KMT2A: variants seen among roughly 807,000 people sequenced by gnomAD.
KMT2A encodes the protein histone-lysine N-methyltransferase 2A.
KMT2A carries 16 observed loss-of-function variants against 345.3 expected under a neutral mutation model. The ratio of observed to expected loss-of-function variants is 0.05; its 90% confidence interval spans 0.03 to 0.07. The LOEUF (loss-of-function observed/expected upper bound fraction) is 0.07. KMT2A is among the 10% of genes least tolerant of loss of function. The pLI is 1.00. For missense variants in KMT2A, 3,272 were observed against 4,841.6 expected, an observed-to-expected ratio of 0.68 and a Z score of 9.62; for synonymous variants, 1,599 against 1,778.6, an observed-to-expected ratio of 0.90 and a Z score of 2.54.
At position 118,504,187 on chromosome 11, in the gene KMT2A, G is replaced by A. The variant is rs2134397799; in HGVS notation, c.8295G>A (p.Gly2765=). 3.7e-6 allele frequency: 6 copies of A among 1,614,134 alleles called. No individual in the cohort carries two copies. Among genetic ancestry groups the A allele is most frequent in the Non-Finnish European group, 5.1e-6 (6 of 1,180,032 alleles). ...AGATTGATAGACCTGAAGATGCTGG[G>A]GAGAAAGAACATGTCACTAAGAGTT... is the stretch of plus-strand genomic sequence containing the variant. ...NLKIDRPEDA[G]EKEHVTKSSV... is the part of the protein sequence containing the mutation. Residue 2765 remains glycine, a synonymous_variant, in exon 27 of 36, where the codon GGG becomes GGA. Transcript: ENST00000534358. The surrounding 1 kb of genome is among the most constrained non-coding windows in gnomAD (Gnocchi z 6.4).
intron 1 of KMT2A, among the ~76,000 whole-genome samples, chr11:118,458,993 T>C (rs1809279209): frequency 6.6e-6 from 1 of 152,236 alleles, no homozygotes; most frequent in Admixed American, 6.5e-5. Context: ...ATTTTGATAC[T>C]GTCTATGGTA....
chr11:118,482,150 G>C (rs2134302366), intron 7 of KMT2A, 58 bp downstream of exon 7: 1 of 1,521,412 alleles, frequency 6.6e-7, no homozygotes, highest in South Asian at 1.3e-5. Context: ...AAAAAGCACT[G>C]ATGTCTCAAA....
chr11:118,505,519 C>A lies in KMT2A; in HGVS notation c.9627C>A (p.Asp3209Glu). ...LLVSESSQRT[D>E]LSTTVATPSS... ...TTTCAGAATCCAGCCAGAGGACAGA[C>A]CTCAGTACCACAGTAGCCACTCCAT... is the stretch of plus-strand genomic sequence containing the variant. The change falls in exon 27 of 36, where the codon GAC becomes GAA. Residue 3209 changes from aspartate (D) to glutamate (E), a missense_variant. By Grantham distance (45) the Asp-to-Glu change is conservative. This residue lies in a region of KMT2A where 748 missense variants were observed against 922.2 expected (regional missense o/e 0.81). Transcript: ENST00000534358. This position sits in a 1 kb window ranked among gnomAD's most constrained non-coding sequence, Gnocchi z 4.6. The A allele has an allele frequency of 6.2e-7, 1 of 1,614,170 alleles. No homozygotes were observed. The highest frequency in any genetic ancestry group is 8.5e-7 in the Non-Finnish European group (1 of 1,180,026).
Position 118,436,560 on chromosome 11 carries a change from C to T in KMT2A, c.48C>T (p.Thr16=), listed in dbSNP as rs1949183830. 8.3e-7 allele frequency: 1 copy of T among 1,209,760 alleles called. No homozygotes were observed. The highest frequency in any genetic ancestry group is 1.0e-6 in the Non-Finnish European group (1 of 961,886). 74.9% of individuals were successfully genotyped at this position (1,209,760 alleles called of 1,614,324 possible). ...GCTTCCCCGCCCGACCCGGGACCAC[C>T]GGGGGCGGCGGCGGCGGGGGGCGCC... ...RWRFPARPGT[T]GGGGGGGRRG... The change falls in exon 1 of 36, where the codon ACC becomes ACT. Residue 16 remains threonine, a synonymous_variant. Transcript: ENST00000534358. The surrounding 1 kb of genome is among the most constrained non-coding windows in gnomAD (Gnocchi z 6.9).
At chr11:118,470,327 C>T (rs1442703702) in intron 2 of KMT2A, among the ~76,000 whole-genome samples, 4 of 151,998 alleles carry the variant, frequency 2.6e-5, no homozygotes, top group African/African-American at 9.7e-5. Flanking sequence ...GTTTTTGAGA[C>T]GGAGTCTCAC....
At position 118,473,083 on chromosome 11, in the gene KMT2A, C is replaced by T; in HGVS notation, c.1924C>T (p.Leu642Phe). Residue 642 changes from leucine to phenylalanine, a missense_variant, in exon 3 of 36, where the codon CTT becomes TTT. By Grantham distance (22) the Leu-to-Phe change is conservative. Around this residue, in one of 27 missense-constraint regions of KMT2A, gnomAD observed 114 missense variants for 203.2 expected, o/e 0.56. Coordinates refer to ENST00000534358, the MANE Select transcript of KMT2A (RefSeq NM_001197104.2). The surrounding 1 kb of genome is among the most constrained non-coding windows in gnomAD (Gnocchi z 5.2). ...FSSAKYAKEGLIRKPIFDNFR... is the reference protein window; with the variant it reads ...FSSAKYAKEGFIRKPIFDNFR... ...CTCAGCAAAGTATGCCAAAGAAGGTCTTATTCGCAAACCAATATTTGATAA... is the reference window on the plus strand; with the variant it reads ...CTCAGCAAAGTATGCCAAAGAAGGTTTTATTCGCAAACCAATATTTGATAA... 6.2e-7 allele frequency: 1 copy of T among 1,614,182 alleles called. No homozygotes were observed. Among genetic ancestry groups the T allele is most frequent in the South Asian group, 1.1e-5 (1 of 91,076 alleles).
chr11:118,436,990 G>A lies in KMT2A; in HGVS notation c.432+46G>A, dbSNP rs1949198325. On this transcript the variant is annotated intron_variant, in intron 1 of 35. Coordinates refer to ENST00000534358, the MANE Select transcript of KMT2A (RefSeq NM_001197104.2). The surrounding 1 kb of genome is among the most constrained non-coding windows in gnomAD (Gnocchi z 6.9). ...CAGGTCCGGGGTCTCGACCCTCTGC[G>A]GAGCCCCCTCCCCTCCCCCATCCGG... The A allele has an allele frequency of 7.2e-7, 1 of 1,379,974 alleles. No individual in the cohort carries two copies. The highest frequency in any genetic ancestry group is 1.6e-5 in the South Asian group (1 of 61,814). 85.5% of individuals were successfully genotyped at this position (1,379,974 alleles called of 1,614,324 possible).
At chr11:118,451,456 C>T (rs936611051) in intron 1 of KMT2A, among the ~76,000 whole-genome samples, 6 of 152,150 alleles carry the variant, frequency 3.9e-5, no homozygotes, top group South Asian at 2.1e-4. Context: ...GGCGCAATTT[C>T]GGCTCATTGC....
chr11:118,468,199 T>A (rs376927185), intron 1 of KMT2A, among the ~76,000 whole-genome samples: 4 of 152,180 alleles, frequency 2.6e-5, no homozygotes, highest in Non-Finnish European at 2.9e-5. Context: ...CAGGCATTTT[T>A]AAAATTATAC....
chr11:118,472,761 G>A lies in KMT2A; in HGVS notation c.1602G>A (p.Ser534=), dbSNP rs949534642. The A allele has an allele frequency of 3.1e-6, 5 of 1,613,506 alleles. No individual in the cohort carries two copies. The highest frequency in any genetic ancestry group is 2.2e-5 in the East Asian group (1 of 44,868). The change falls in exon 3 of 36, where the codon TCG becomes TCA. Residue 534 remains serine, a synonymous_variant. Coordinates refer to ENST00000534358, the MANE Select transcript of KMT2A (RefSeq NM_001197104.2). ...NDRRSRRYSV[S]ERSFGSRTTK... is the part of the protein sequence containing the mutation. ...GGAGAAGCAGAAGGTATTCAGTGTC[G>A]GAGAGAAGTTTTGGATCTAGAACGA... is the stretch of plus-strand genomic sequence containing the variant.
At position 118,442,871 on chromosome 11, in the gene KMT2A, C is replaced by T. The variant is rs782573731; in HGVS notation, c.432+5927C>T. Among the ~76,000 whole-genome samples the T allele has an allele frequency of 9.2e-5, 14 of 152,230 alleles. No individual in the cohort carries two copies. The South Asian group carries it at 2.1e-3, about 23-fold the overall frequency. On this transcript the variant is annotated intron_variant, in intron 1 of 35. Coordinates refer to ENST00000534358, the MANE Select transcript of KMT2A (RefSeq NM_001197104.2). ...TGTTCTTTACTAGATCTACATGTGG[C>T]ATGCTAGAGAAAATGCTATCTTTTA... is the stretch of plus-strand genomic sequence containing the variant.
rs554753181 is a variant in KMT2A at position 118,525,651 on chromosome 11, TA to T, written c.*3487del. 6.6e-4 allele frequency: 148 copies of T among 225,692 alleles called. No homozygotes were observed. The highest frequency in any genetic ancestry group is 1.0e-3 in the Admixed American group (18 of 17,374). 14.0% of individuals were successfully genotyped at this position (225,692 alleles called of 1,614,324 possible). A position where few individuals can be genotyped will look rare whatever the true frequency, so the allele number is the denominator to read the frequency against. On this transcript the variant is annotated 3_prime_UTR_variant, in exon 36 of 36. Coordinates refer to ENST00000534358, the MANE Select transcript of KMT2A (RefSeq NM_001197104.2). Reference sequence around the variant, plus strand: ...AAAAAATACAACACACACACAAAAATAAAAAAAATATTCTAATGAATGTATC... The same window carrying T: ...AAAAAATACAACACACACACAAAAATAAAAAAATATTCTAATGAATGTATC...
In KMT2A at chr11:118,495,081, T is replaced by TTTG. The variant is rs1196132119; in HGVS notation, c.5363+316_5363+318dup. Among the ~76,000 whole-genome samples, 1 of 152,202 alleles carries TTTG rather than the reference T, an allele frequency of 6.6e-6. No individual in the cohort carries two copies. The highest frequency in any genetic ancestry group is 1.5e-5 in the Non-Finnish European group (1 of 68,038). The stretch of plus-strand genomic sequence containing the variant: ...GTTTGACTGATAGTTCAAATGGTGC[T>TTTG]TTGTACTGCTCTTGATTTTCCATAT... On this transcript the variant is annotated intron_variant, in intron 18 of 35. Coordinates refer to ENST00000534358, the MANE Select transcript of KMT2A (RefSeq NM_001197104.2). The surrounding 1 kb of genome is among the most constrained non-coding windows in gnomAD (Gnocchi z 4.1).
rs772304745 is a variant in KMT2A, at chr11:118,524,878, T to G, written c.*2706T>G. ...GCCATGCTGTACTGTGAGCCCCTCC[T>G]CACTCTCTACCAACCCTAAACCCTG... is the stretch of plus-strand genomic sequence containing the variant. On this transcript the variant is annotated 3_prime_UTR_variant, in exon 36 of 36. Transcript: ENST00000534358. 2.6e-5 allele frequency: 5 copies of G among 192,620 alleles called. No individual in the cohort carries two copies. Among genetic ancestry groups the G allele is most frequent in the Non-Finnish European group, 4.3e-5 (4 of 92,108 alleles). The allele number at this position is 192,620 out of a possible 1,614,324, so 11.9% of individuals were successfully genotyped here. A position where few individuals can be genotyped will look rare whatever the true frequency, so the allele number is the denominator to read the frequency against.
intron 1 of KMT2A, among the ~76,000 whole-genome samples, chr11:118,466,688 G>A (rs1255695459): frequency 6.6e-6 from 1 of 151,924 alleles, no homozygotes; most frequent in Non-Finnish European, 1.5e-5. Flanking sequence ...GGTGGCACAC[G>A]CCTGTAATTC....
Position 118,473,552 on chromosome 11 carries a change from T to G in KMT2A, c.2393T>G (p.Phe798Cys). ...AGTGCCTTAAACCCAACTTTTACTT[T>G]TCCTTCTCATTCCCTGACTCAGTCT... ...ATSALNPTFT[F>C]PSHSLTQSGE... The change falls in exon 3 of 36, where the codon TTT becomes TGT. Residue 798 changes from phenylalanine (F) to cysteine (C), a missense_variant. Transcript: ENST00000534358. This position sits in a 1 kb window ranked among gnomAD's most constrained non-coding sequence, Gnocchi z 5.2. 6.2e-7 allele frequency: 1 copy of G among 1,614,128 alleles called. No individual in the cohort carries two copies. The highest frequency in any genetic ancestry group is 8.5e-7 in the Non-Finnish European group (1 of 1,180,042).
intron 28 of KMT2A, among the ~76,000 whole-genome samples, chr11:118,508,016 T>C (rs1201524692): frequency 6.6e-6 from 1 of 152,192 alleles, no homozygotes; most frequent in Non-Finnish European, 1.5e-5. Context: ...TTTGTTTTCT[T>C]GCCAAAGTTT....
Position 118,525,610 on chromosome 11 carries a change from T to TA in KMT2A, c.*3448dup, listed in dbSNP as rs1244487041. On this transcript the variant is annotated 3_prime_UTR_variant, in exon 36 of 36. Coordinates refer to ENST00000534358, the MANE Select transcript of KMT2A (RefSeq NM_001197104.2). ...CCCTTGATTTAAAAAAAATAAAAAATAAAAAAAAAAGGAAAAAAAAATACA... is the reference window on the plus strand; with the variant it reads ...CCCTTGATTTAAAAAAAATAAAAAATAAAAAAAAAAAGGAAAAAAAAATACA... 7.5e-3 allele frequency: 1,325 copies of TA among 177,586 alleles called. 6 individuals carry two copies. The highest frequency in any genetic ancestry group is 6.5e-3 in the Middle Eastern group (4 of 614). The allele number at this position is 177,586 out of a possible 1,614,324, so 11.0% of individuals were successfully genotyped here. A position where few individuals can be genotyped will look rare whatever the true frequency, so the allele number is the denominator to read the frequency against.
intron 1 of KMT2A, among the ~76,000 whole-genome samples, chr11:118,463,029 A>G (rs1949775036): frequency 6.6e-6 from 1 of 152,266 alleles, no homozygotes; most frequent in South Asian, 2.1e-4. Flanking sequence ...TTAGGATTAT[A>G]TAGTTACATT....
Sources: gnomAD v4.1 joint callset for allele counts (sites outside exome capture counted in the v4.1 genomes callset) on GRCh38, gnomAD v4.1.1 for gene constraint, gnomAD v4.1.1 regional missense constraint, Gnocchi (gnomAD v3.1) non-coding constraint, MANE v1.5 for transcripts, NCBI Gene and HGNC (gene_info 2026-07-23, HGNC 2026-07-21) for gene names.